Variants in SNX13 observed in about 807,000 individuals in gnomAD.
The protein encoded by SNX13 is sorting nexin-13.
Under a neutral mutation model 133.6 loss-of-function variants are expected in SNX13, and 45 were observed. That is an observed-to-expected ratio of 0.34 (90% CI 0.27 to 0.43). The LOEUF (loss-of-function observed/expected upper bound fraction) is 0.43, where lower values mean the gene tolerates loss of function less well. SNX13 is among the 20% of genes least tolerant of loss of function. The pLI, the probability that SNX13 is intolerant of heterozygous loss-of-function variation, is 1.00. For missense variants in SNX13, 1,032 were observed against 1,145.1 expected (o/e 0.90, Z 1.43); for synonymous variants, 414 against 373.9 (o/e 1.11, Z -1.24).
At chr7:17,930,308 C>T (rs940205953) in intron 1 of SNX13, among the ~76,000 whole-genome samples, 3 of 152,044 alleles carry the variant, frequency 2.0e-5, no homozygotes, top group Admixed American at 6.6e-5. Context: ...TGCTCGGAAT[C>T]GAGAAAACTT....
At chr7:17,863,237 G>A (rs1792948426) in intron 9 of SNX13, among the ~76,000 whole-genome samples, 1 of 152,126 alleles carries the variant, frequency 6.6e-6, no homozygotes, top group Non-Finnish European at 1.5e-5. Context: ...AAATAAATAT[G>A]AGTGGCAGTC....
At chr7:17,827,894 C>T (rs954324913) in intron 16 of SNX13, among the ~76,000 whole-genome samples, 6 of 151,722 alleles carry the variant, frequency 4.0e-5, no homozygotes, top group African/African-American at 7.3e-5. Flanking sequence ...GAACAGTCTA[C>T]CAAATTCATA....
intron 21 of SNX13, among the ~76,000 whole-genome samples, chr7:17,802,063 T>C (rs570184141): frequency 1.3e-5 from 2 of 152,252 alleles, no homozygotes; most frequent in South Asian, 4.1e-4. Flanking sequence ...TCGATATATT[T>C]AGATACACAT....
chr7:17,901,020 T>G (rs567723922), intron 1 of SNX13, among the ~76,000 whole-genome samples: 2 of 152,246 alleles, frequency 1.3e-5, no homozygotes, highest in African/African-American at 4.8e-5. Context: ...AAGGGCTCTT[T>G]AGTCAGCAGG....
At position 17,904,094 on chromosome 7, in the gene SNX13, T is replaced by A. The variant is rs531547880; in HGVS notation, c.13-6648A>T. ...ATGCATCCTGACCAAAGAAAGGAAGTAGAAATAATTTATCTGGTGATATTT... is the reference window on the plus strand; with the variant it reads ...ATGCATCCTGACCAAAGAAAGGAAGAAGAAATAATTTATCTGGTGATATTT... On this transcript the variant is annotated intron_variant, in intron 1 of 25. Coordinates refer to ENST00000428135, the MANE Select transcript of SNX13 (RefSeq NM_015132.5). Among the ~76,000 whole-genome samples the A allele has an allele frequency of 2.4e-4, 36 of 152,266 alleles. No individual in the cohort carries two copies. In the South Asian group the frequency reaches 7.3e-3, roughly 31 times the overall value.
At chr7:17,893,617 T>C (rs1165924660) in intron 2 of SNX13, among the ~76,000 whole-genome samples, 183 bp from the exon 3 acceptor site, 1 of 152,204 alleles carries the variant, frequency 6.6e-6, no homozygotes, top group Non-Finnish European at 1.5e-5. Context: ...AAAACAACTA[T>C]GAACATTTTG....
At chr7:17,828,232 G>A (rs1237580642) in intron 16 of SNX13, among the ~76,000 whole-genome samples, 2 of 151,290 alleles carry the variant, frequency 1.3e-5, no homozygotes, top group African/African-American at 4.8e-5. Context: ...AGTTACAATT[G>A]GTAAAATAAT....
chr7:17,866,847 A>G (rs1364927285), intron 9 of SNX13, among the ~76,000 whole-genome samples: 1 of 152,200 alleles, frequency 6.6e-6, no homozygotes, highest in Non-Finnish European at 1.5e-5. Context: ...CAAAATAACC[A>G]TAGGAGTGGA....
At chr7:17,796,754 C>T (rs1410693763) in intron 25 of SNX13, 73 bp downstream of exon 25, 4 of 1,073,780 alleles carry the variant, frequency 3.7e-6, no homozygotes, top group Non-Finnish European at 5.7e-6. Context: ...GGCAGTTACA[C>T]TGGCATGATG....
intron 1 of SNX13, among the ~76,000 whole-genome samples, chr7:17,914,310 T>C (rs1236011664): frequency 6.6e-6 from 1 of 152,042 alleles, no homozygotes; most frequent in African/African-American, 2.4e-5. Flanking sequence ...GGAAAACACA[T>C]TTGAGGAAAT....
rs560177682 is a variant in SNX13 at position 17,867,731 on chromosome 7, G to A, written c.837+676C>T. ...AGAAAGCTACACTGAGTTAAAGGAA[G>A]ACAAATGTAGAGTAGAAATCCCAGA... On this transcript the variant is annotated intron_variant, in intron 9 of 25. Transcript: ENST00000428135. Among the ~76,000 whole-genome samples, 11 of 152,164 alleles carry A rather than the reference G, an allele frequency of 7.2e-5. No individual in the cohort carries two copies. The East Asian group carries it at 2.1e-3, about 29-fold the overall frequency.
intron 8 of SNX13, among the ~76,000 whole-genome samples, chr7:17,870,035 G>C (rs546738302): frequency 6.6e-6 from 1 of 152,184 alleles, no homozygotes; most frequent in Admixed American, 6.5e-5. Context: ...CACATTAAAG[G>C]GTTTGGTTAG....
At chr7:17,877,191 C>T (rs374381357) in intron 5 of SNX13, among the ~76,000 whole-genome samples, 4 of 151,224 alleles carry the variant, frequency 2.6e-5, no homozygotes, top group African/African-American at 7.3e-5. Context: ...TATATGAACA[C>T]GAAAACAAAT....
intron 22 of SNX13, among the ~76,000 whole-genome samples, chr7:17,799,964 A>G (rs976398730): frequency 6.6e-6 from 1 of 151,818 alleles, no homozygotes; most frequent in Non-Finnish European, 1.5e-5. Context: ...AGAAAGCATG[A>G]GTTATACATT....
chr7:17,814,917 C>G lies in SNX13; in HGVS notation c.1981G>C (p.Ala661Pro). 1 of 1,499,962 alleles carries G rather than the reference C, an allele frequency of 6.7e-7. No homozygotes were observed. Among genetic ancestry groups the G allele is most frequent in the East Asian group, 2.7e-5 (1 of 37,512 alleles). The allele number at this position is 1,499,962 out of a possible 1,614,324, so 92.9% of individuals were successfully genotyped here. Residue 661 changes from alanine (A) to proline (P), a missense_variant, in exon 20 of 26, where the codon GCA becomes CCA. By Grantham distance (27) the Ala-to-Pro change is conservative (BLOSUM62 -1). Transcript: ENST00000428135. ...QLLLAPEMMK[A>P]SPALAHYVYD... ...ACATAGTGAGCTAAAGCGGGGGATG[C>G]CTTCATCATTTCAGGAGCTAACAGT...
At chr7:17,878,396 T>C (rs746718170) in intron 5 of SNX13, among the ~76,000 whole-genome samples, 6 of 152,148 alleles carry the variant, frequency 3.9e-5, no homozygotes, top group Non-Finnish European at 5.9e-5. Context: ...ACATTTATAG[T>C]AGGCCCCTGA....
intron 5 of SNX13, among the ~76,000 whole-genome samples, chr7:17,877,290 T>C (rs1321447266): frequency 6.6e-6 from 1 of 151,962 alleles, no homozygotes; most frequent in Non-Finnish European, 1.5e-5. Context: ...CATATAAGCA[T>C]ATAACTAAAC....
intron 1 of SNX13, among the ~76,000 whole-genome samples, chr7:17,908,988 T>C (rs1161815230): frequency 6.6e-6 from 1 of 151,974 alleles, no homozygotes; most frequent in East Asian, 1.9e-4. Context: ...GAGACCATAA[T>C]ATGAGTAGGC....
intron 21 of SNX13, among the ~76,000 whole-genome samples, chr7:17,802,708 C>A (rs1784765541): frequency 6.6e-6 from 1 of 152,000 alleles, no homozygotes; most frequent in Non-Finnish European, 1.5e-5. Context: ...TTAAAGAAAA[C>A]CTGTTTATAT....
Sources: gnomAD v4.1 joint callset for allele counts (sites outside exome capture counted in the v4.1 genomes callset) on GRCh38, gnomAD v4.1.1 for gene constraint, MANE v1.5 for transcripts, NCBI Gene and HGNC (gene_info 2026-07-23, HGNC 2026-07-21) for gene names.